SHOC1: variants seen among roughly 807,000 people sequenced by gnomAD.
SHOC1 encodes the protein shortage in chiasmata 1, also known as protein shortage in chiasmata 1 ortholog.
SHOC1 carries 136 observed loss-of-function variants against 179.2 expected under a neutral mutation model. That is an observed-to-expected ratio of 0.76 (90% CI 0.66 to 0.87). The LOEUF is 0.87. Among genes scored for constraint, SHOC1 ranks in the 40% least tolerant of loss-of-function variants. The pLI is 0.00. For synonymous variants in SHOC1, 489 were observed against 586.6 expected, an observed-to-expected ratio of 0.83 and a Z score of 2.41; for missense variants, 1,538 against 1,700.8, an observed-to-expected ratio of 0.90 and a Z score of 1.68.
intron 5 of SHOC1, among the ~76,000 whole-genome samples, chr9:111,773,075 C>T (rs985977151): frequency 1.3e-5 from 2 of 152,034 alleles, no homozygotes; most frequent in Non-Finnish European, 2.9e-5. Context: ...AGTTTTTTCA[C>T]TTCTCTGTGT....
intron 18 of SHOC1, among the ~76,000 whole-genome samples, chr9:111,709,501 T>G (rs4979040): frequency 6.6e-6 from 1 of 151,906 alleles, no homozygotes; most frequent in Non-Finnish European, 1.5e-5. Context: ...GGCAGAAAAA[T>G]AAAAGCCTTG....
intron 9 of SHOC1, 126 bp downstream of exon 9, chr9:111,747,966 G>A (rs1034400921): frequency 3.4e-6 from 2 of 592,080 alleles, no homozygotes; most frequent in Admixed American, 5.8e-5. Flanking sequence ...AAAATGACAG[G>A]ATTATAACAA....
chr9:111,703,612 C>T (rs964477423), intron 22 of SHOC1, among the ~76,000 whole-genome samples: 8 of 152,054 alleles, frequency 5.3e-5, no homozygotes, highest in African/African-American at 1.9e-4. Context: ...TATAATTATT[C>T]TATAAATATA....
chr9:111,692,438 G>A lies in SHOC1; in HGVS notation c.3539C>T (p.Pro1180Leu). 1 of 1,609,870 alleles carries A rather than the reference G, an allele frequency of 6.2e-7. No individual in the cohort carries two copies. The highest frequency in any genetic ancestry group is 8.5e-7 in the Non-Finnish European group (1 of 1,178,196). ...ACTAATCTGATTCCTATTTTCCTGAGGTGACGAAATTTGCGGTGATTTTGT... is the reference window on the plus strand; with the variant it reads ...ACTAATCTGATTCCTATTTTCCTGAAGTGACGAAATTTGCGGTGATTTTGT... ...SITKSPQISS[P>L]QENRNQISTL... Residue 1180 changes from proline (P) to leucine (L), a missense_variant, in exon 27 of 28, where the codon CCT (proline) becomes CTT (leucine). Pro to Leu is a moderately conservative substitution (Grantham distance 98). Coordinates refer to ENST00000682961, the MANE Select transcript of SHOC1 (RefSeq NM_001378211.1).
In SHOC1 at chr9:111,692,144, C is replaced by T. The variant is rs1454946626; in HGVS notation, c.3833G>A (p.Arg1278Lys). The T allele has an allele frequency of 6.2e-7, 1 of 1,613,528 alleles. No homozygotes were observed. Among genetic ancestry groups the T allele is most frequent in the Non-Finnish European group, 8.5e-7 (1 of 1,179,804 alleles). Reference sequence around the variant, plus strand: ...GTTTAGAAAGGAGTTATAAGCCGGTCTCCTTGATTCTATATTAATTAGAAA... The same window carrying T: ...GTTTAGAAAGGAGTTATAAGCCGGTTTCCTTGATTCTATATTAATTAGAAA... ...TPFLINIESR[R>K]PAYNSFLNHS... The change falls in exon 27 of 28, where the codon AGA becomes AAA. Residue 1278 changes from arginine (R) to lysine (K), a missense_variant. Arg to Lys is a conservative substitution (Grantham distance 26, BLOSUM62 2). Coordinates refer to ENST00000682961, the MANE Select transcript of SHOC1 (RefSeq NM_001378211.1).
At chr9:111,788,403 C>T (rs315708) in intron 2 of SHOC1, among the ~76,000 whole-genome samples, 122,626 of 152,074 alleles carry the variant, frequency 0.81, 49,616 homozygotes, top group East Asian at 0.92. Flanking sequence ...CGCCTCAGCC[C>T]CCCAATTATA....
At chr9:111,754,842 G>A (rs571201912) in intron 8 of SHOC1, among the ~76,000 whole-genome samples, 4 of 152,184 alleles carry the variant, frequency 2.6e-5, no homozygotes, top group Non-Finnish European at 5.9e-5. Flanking sequence ...AGTGAAATAA[G>A]TCACAGATGA....
intron 8 of SHOC1, among the ~76,000 whole-genome samples, chr9:111,755,445 C>T (rs1311146717): frequency 6.6e-6 from 1 of 152,112 alleles, no homozygotes; most frequent in African/African-American, 2.4e-5. Context: ...TCGCAGATCC[C>T]CCTTCCTTTC....
At chr9:111,744,285 G>A (rs946723061) in intron 10 of SHOC1, among the ~76,000 whole-genome samples, 1 of 152,116 alleles carries the variant, frequency 6.6e-6, no homozygotes, top group Non-Finnish European at 1.5e-5. Context: ...CTTATCAAGA[G>A]AACTAAAAGT....
intron 17 of SHOC1, 131 bp downstream of exon 17, chr9:111,714,314 C>T: frequency 1.3e-6 from 1 of 774,604 alleles, no homozygotes; most frequent in Non-Finnish European, 2.0e-6. Context: ...TTACCTTATT[C>T]AAGGACTAAA....
chr9:111,769,975 G>GTTTGTTTTTTTTTTTTTTT lies in SHOC1; in HGVS notation c.442+5815_442+5816insAAAAAAAAAAAAAAACAAA, dbSNP rs1564161086. 3.6e-4 allele frequency among the ~76,000 whole-genome samples: 32 copies of GTTTGTTTTTTTTTTTTTTT among 87,794 alleles called. 3 individuals are homozygous for GTTTGTTTTTTTTTTTTTTT. Among genetic ancestry groups the GTTTGTTTTTTTTTTTTTTT allele is most frequent in the African/African-American group, 1.3e-3 (25 of 18,782 alleles). The allele number at this position is 87,794 out of a possible 152,430, so 57.6% of individuals were successfully genotyped here. A position where few individuals can be genotyped will look rare whatever the true frequency, so the allele number is the denominator to read the frequency against. On this transcript the variant is annotated intron_variant, in intron 5 of 27. Coordinates refer to ENST00000682961, the MANE Select transcript of SHOC1 (RefSeq NM_001378211.1). ...AATCTAGCGAAAGGTTTTATCTTCT[G>GTTTGTTTTTTTTTTTTTTT]TTTTTTTTTTGTTTTTTTTTTTTTT... is the stretch of plus-strand genomic sequence containing the variant.
intron 27 of SHOC1, 41 bp from the exon 28 acceptor site, chr9:111,686,911 A>G: frequency 3.3e-6 from 4 of 1,230,116 alleles, no homozygotes; most frequent in South Asian, 1.3e-5. Context: ...TATTGCTTAC[A>G]ATAGTAAAGT....
chr9:111,700,275 G>A (rs2131337973), intron 23 of SHOC1, among the ~76,000 whole-genome samples: 1 of 151,982 alleles, frequency 6.6e-6, no homozygotes, highest in East Asian at 1.9e-4. Flanking sequence ...ATGTGTGTTA[G>A]GGGAGGTGTG....
At chr9:111,784,422 C>G (rs752901472) in intron 3 of SHOC1, among the ~76,000 whole-genome samples, 3 of 152,190 alleles carry the variant, frequency 2.0e-5, no homozygotes, top group Non-Finnish European at 4.4e-5. Flanking sequence ...ATCTCCGTTA[C>G]TATAAGCCTT....
chr9:111,781,682 C>T (rs1315622752), intron 3 of SHOC1, among the ~76,000 whole-genome samples: 2 of 151,658 alleles, frequency 1.3e-5, no homozygotes, highest in Non-Finnish European at 2.9e-5. Context: ...GAGATTGTGC[C>T]ATGGCACTCC....
At position 111,692,331 on chromosome 9, in the gene SHOC1, C is replaced by T. The variant is rs145493933; in HGVS notation, c.3646G>A (p.Gly1216Arg). The T allele has an allele frequency of 2.0e-3, 3,286 of 1,612,162 alleles. 115 individuals carry two copies. In the Admixed American group the frequency reaches 0.052, roughly 26 times the overall value. ...GTTTTGTCTTCCTGCACTGTCTCTC[C>T]TAATCCTAAATACTGATAATATTCA... Reference protein sequence around the residue: ...HNEYYQYLGLGETVQEDKTTI... With the variant: ...HNEYYQYLGLRETVQEDKTTI... Residue 1216 changes from glycine (G) to arginine (R), a missense_variant, in exon 27 of 28, where the codon GGA (glycine) becomes AGA (arginine). By Grantham distance (125) the Gly-to-Arg change is moderately radical (BLOSUM62 -2). Coordinates refer to ENST00000682961, the MANE Select transcript of SHOC1 (RefSeq NM_001378211.1).
intron 14 of SHOC1, 21 bp from the exon 15 acceptor site, chr9:111,722,606 A>G (rs1156722267): frequency 1.3e-6 from 2 of 1,581,278 alleles, no homozygotes; most frequent in Non-Finnish European, 1.7e-6. Flanking sequence ...AAAAGCATTA[A>G]TGGCAGTGTT....
In SHOC1 at chr9:111,780,914, G is replaced by A. The variant is rs374958590; in HGVS notation, c.257+16C>T. ...TACTAGATGTAAAAGAGAAATTTGA[G>A]ATTAAGGATACATACTTCTCAAGGA... On this transcript the variant is annotated intron_variant, in intron 4 of 27. Transcript: ENST00000682961. 9.5e-6 allele frequency: 15 copies of A among 1,581,004 alleles called. 1 individual carries two copies. In the African/African-American group the frequency reaches 1.6e-4, roughly 17 times the overall value.
At position 111,740,934 on chromosome 9, in the gene SHOC1, C is replaced by A. The variant is rs1834008387; in HGVS notation, c.1174+542G>T. On this transcript the variant is annotated intron_variant, in intron 11 of 27. Coordinates refer to ENST00000682961, the MANE Select transcript of SHOC1 (RefSeq NM_001378211.1). The stretch of plus-strand genomic sequence containing the variant: ...ACAGAGACTTGCTCCTTCACGTAGG[C>A]TGGAGCGCAATGGCGCCATCTCGGC... Among the ~76,000 whole-genome samples, 7 of 152,250 alleles carry A rather than the reference C, an allele frequency of 4.6e-5. No individual in the cohort carries two copies. In the South Asian group the frequency reaches 1.5e-3, roughly 32 times the overall value.
Sources: gnomAD v4.1 joint callset for allele counts (sites outside exome capture counted in the v4.1 genomes callset) on GRCh38, gnomAD v4.1.1 for gene constraint, MANE v1.5 for transcripts, NCBI Gene and HGNC (gene_info 2026-07-23, HGNC 2026-07-21) for gene names.